FHAD1: variants seen among roughly 807,000 people sequenced by gnomAD.
FHAD1 encodes the protein forkhead associated phosphopeptide binding domain 1, also known as forkhead-associated domain-containing protein 1.
Under a neutral mutation model 191.3 loss-of-function variants are expected in FHAD1, and 146 were observed. The ratio of observed to expected loss-of-function variants is 0.76; its 90% CI spans 0.67 to 0.88. The LOEUF (loss-of-function observed/expected upper bound fraction) is 0.88, where lower values mean the gene tolerates loss of function less well. Ranked by LOEUF, FHAD1 falls within the 40% of genes least tolerant of loss-of-function variation. FHAD1 has a pLI of 0.00. For missense variants in FHAD1, 1,635 were observed against 1,785.8 expected, an observed-to-expected ratio of 0.92 and a Z score of 1.52; for synonymous variants, 616 against 672.3, an observed-to-expected ratio of 0.92 and a Z score of 1.29.
chr1:15,301,222 G>A lies in FHAD1; in HGVS notation c.696G>A (p.Leu232=). The A allele has an allele frequency of 6.4e-7, 1 of 1,551,684 alleles. No homozygotes were observed. Among genetic ancestry groups the A allele is most frequent in the Non-Finnish European group, 8.7e-7 (1 of 1,147,000 alleles). The change falls in exon 6 of 34, where the codon CTG becomes CTA. Residue 232 remains leucine, a synonymous_variant. Coordinates refer to ENST00000688493, the MANE Select transcript of FHAD1 (RefSeq NM_001391957.1). ...CTACCCAGGATGAAATAATTCTGCT[G>A]CTGGGAAAAGAGGTCAGCCGTCTCT... The part of the protein sequence containing the change: ...AQQDKDEIIL[L]LGKEVSRLSD...
Position 15,312,510 on chromosome 1 carries a change from A to C in FHAD1, c.1040-547A>C, listed in dbSNP as rs1486376443. On this transcript the variant is annotated intron_variant, in intron 7 of 33. Coordinates refer to ENST00000688493, the MANE Select transcript of FHAD1 (RefSeq NM_001391957.1). This position sits in a 1 kb window ranked among gnomAD's most constrained non-coding sequence, Gnocchi z 4.7. The stretch of plus-strand genomic sequence containing the variant: ...AACTCCATGTCTACAAAAAATACAA[A>C]AATTAGCCAGGCATAGTGGCACGTA... Among the ~76,000 whole-genome samples, 3 of 152,088 alleles carry C rather than the reference A, an allele frequency of 2.0e-5. No individual in the cohort carries two copies. The highest frequency in any genetic ancestry group is 7.2e-5 in the African/African-American group (3 of 41,424).
intron 18 of FHAD1, among the ~76,000 whole-genome samples, chr1:15,348,545 T>A (rs764037810): frequency 5.3e-5 from 8 of 152,208 alleles, no homozygotes; most frequent in Non-Finnish European, 1.2e-4. Context: ...TTCTAGAAAT[T>A]GGTGTATCGT....
At position 15,397,437 on chromosome 1, in the gene FHAD1, C is replaced by T. The variant is rs745415674; in HGVS notation, c.*24C>T. The T allele has an allele frequency of 7.3e-6, 9 of 1,224,572 alleles. No individual in the cohort carries two copies. Among genetic ancestry groups the T allele is most frequent in the Admixed American group, 7.0e-5 (3 of 43,102 alleles). The allele number at this position is 1,224,572 out of a possible 1,614,324, so 75.9% of individuals were successfully genotyped here. A position where few individuals can be genotyped will look rare whatever the true frequency, so the allele number is the denominator to read the frequency against. On this transcript the variant is annotated 3_prime_UTR_variant, in exon 34 of 34. Coordinates refer to ENST00000688493, the MANE Select transcript of FHAD1 (RefSeq NM_001391957.1). Reference sequence around the variant, plus strand: ...AGAGAAACCTCGTCCCACCAGGCCTCATGTGATCCTCTGTGAGTTCATGTG... The same window carrying T: ...AGAGAAACCTCGTCCCACCAGGCCTTATGTGATCCTCTGTGAGTTCATGTG...
intron 20 of FHAD1, among the ~76,000 whole-genome samples, chr1:15,354,902 C>T (rs1692198956): frequency 6.6e-6 from 1 of 151,996 alleles, no homozygotes; most frequent in African/African-American, 2.4e-5. Flanking sequence ...ATCCTTAGAA[C>T]AGTAACACCA....
At chr1:15,262,024 C>T (rs537283183) in intron 2 of FHAD1, among the ~76,000 whole-genome samples, 6 of 151,594 alleles carry the variant, frequency 4.0e-5, no homozygotes, top group Admixed American at 2.6e-4. Context: ...CACACACGCA[C>T]ACACACACAC....
At chr1:15,383,992 A>G (rs933599766) in intron 31 of FHAD1, 35 of 328,972 alleles carry the variant, frequency 1.1e-4, no homozygotes, top group Non-Finnish European at 2.0e-4. Context: ...GTGTGTGTAC[A>G]TTCTCATGTG....
chr1:15,296,782 C>T lies in FHAD1; in HGVS notation c.667C>T (p.Gln223Ter), dbSNP rs745474139. The change falls in exon 5 of 34, where the codon CAG (glutamine) becomes TAG (stop). Residue 223 changes from glutamine (Q) to a stop codon, truncating the protein, a stop_gained. Coordinates refer to ENST00000688493, the MANE Select transcript of FHAD1 (RefSeq NM_001391957.1). LOFTEE classifies it high-confidence loss of function. ...GATTTATGTGGAGGAGGACTTGGCC[C>T]AGCAGGACAAGGTGAGGGAGGGGTC... ...AEIYVEEDLA[Q>*]QDKDEIILLL... is the part of the protein sequence containing the mutation. The T allele has an allele frequency of 1.3e-6, 2 of 1,551,324 alleles. No homozygotes were observed. The highest frequency in any genetic ancestry group is 2.0e-5 in the Admixed American group (1 of 50,940).
chr1:15,394,978 C>T (rs895768232), intron 33 of FHAD1, among the ~76,000 whole-genome samples: 5 of 151,888 alleles, frequency 3.3e-5, no homozygotes, highest in African/African-American at 9.7e-5. Flanking sequence ...AGGGGCAGGG[C>T]GGGGGGCTTT....
rs1303533228 is a variant in FHAD1 at position 15,389,147 on chromosome 1, C to G, written c.4269+1016C>G. On this transcript the variant is annotated intron_variant, in intron 32 of 33. Coordinates refer to ENST00000688493, the MANE Select transcript of FHAD1 (RefSeq NM_001391957.1). ...CAGATGTTTTACATACCAAGTTCCT[C>G]AAAGGATTTTGTGTGGGTAAAGAAT... is the stretch of plus-strand genomic sequence containing the variant. Among the ~76,000 whole-genome samples, 7 of 152,086 alleles carry G rather than the reference C, an allele frequency of 4.6e-5. No individual in the cohort carries two copies. In the South Asian group the frequency reaches 6.2e-4, roughly 14 times the overall value.
intron 33 of FHAD1, among the ~76,000 whole-genome samples, chr1:15,395,176 T>A (rs910864015): frequency 6.6e-6 from 1 of 151,962 alleles, no homozygotes; most frequent in African/African-American, 2.4e-5. Flanking sequence ...TAGCCGGGCA[T>A]GCTGGCGGGC....
At chr1:15,351,870 G>C (rs1691024260) in intron 19 of FHAD1, among the ~76,000 whole-genome samples, 1 of 151,648 alleles carries the variant, frequency 6.6e-6, no homozygotes, top group Non-Finnish European at 1.5e-5. Context: ...GGGTAGGGTG[G>C]GTGGGTGCCA....
intron 1 of FHAD1, among the ~76,000 whole-genome samples, chr1:15,248,505 C>A (rs1752014): frequency 0.29 from 44,274 of 151,906 alleles, 7,491 homozygotes; most frequent in Non-Finnish European, 0.39. Context: ...TAAGGAACCC[C>A]AAGCTCAGGA....
At chr1:15,253,064 A>C (rs1646980425) in intron 2 of FHAD1, among the ~76,000 whole-genome samples, 2 of 152,114 alleles carry the variant, frequency 1.3e-5, no homozygotes, top group Admixed American at 6.5e-5. Context: ...TAGAGATCAC[A>C]CCTACCTTCC....
At chr1:15,320,399 T>C (rs1675872402) in intron 10 of FHAD1, among the ~76,000 whole-genome samples, 1 of 152,242 alleles carries the variant, frequency 6.6e-6, no homozygotes, top group Non-Finnish European at 1.5e-5. Flanking sequence ...AATGCTCTTG[T>C]TGATTTTTTT....
At chr1:15,256,725 G>A (rs576441892) in intron 2 of FHAD1, among the ~76,000 whole-genome samples, 8 of 150,860 alleles carry the variant, frequency 5.3e-5, no homozygotes, top group Admixed American at 2.6e-4. Flanking sequence ...GCCCTACACC[G>A]AGGAGATTTC....
downstream of FHAD1, among the ~76,000 whole-genome samples, chr1:15,400,520 C>G (rs751801492): frequency 1.3e-5 from 2 of 152,146 alleles, no homozygotes; most frequent in African/African-American, 4.8e-5. Flanking sequence ...CAACAAGGAG[C>G]AATTTTGCCC....
chr1:15,248,663 G>C (rs888927568), intron 1 of FHAD1, among the ~76,000 whole-genome samples: 1 of 151,000 alleles, frequency 6.6e-6, no homozygotes, highest in Non-Finnish European at 1.5e-5. Context: ...TCAGCTCACT[G>C]CAACCTCTGC....
At chr1:15,254,653 A>G (rs1045961939) in intron 2 of FHAD1, among the ~76,000 whole-genome samples, 8 of 152,264 alleles carry the variant, frequency 5.3e-5, no homozygotes, top group Non-Finnish European at 1.0e-4. Flanking sequence ...TAGTTTAAAA[A>G]GTAAGTCACC....
intron 1 of FHAD1, among the ~76,000 whole-genome samples, chr1:15,239,598 CAA>C (rs767916565): frequency 1.3e-5 from 2 of 151,680 alleles, no homozygotes; most frequent in Admixed American, 1.3e-4. Context: ...AAAAGAAAAA[CAA>C]AAAGAACAAC....
Sources: allele counts gnomAD v4.1 joint callset (sites outside exome capture counted in the v4.1 genomes callset), GRCh38; gene constraint gnomAD v4.1.1; non-coding constraint Gnocchi (gnomAD v3.1); transcripts MANE v1.5; gene names NCBI Gene and HGNC (gene_info 2026-07-23, HGNC 2026-07-21).